Variants in NARS2 observed in about 807,000 individuals in gnomAD.
NARS2 encodes the protein asparaginyl-tRNA synthetase.
Under a neutral mutation model 62.9 loss-of-function variants are expected in NARS2, and 60 were observed. That is an observed-to-expected ratio of 0.95 (90% CI 0.77 to 1.18). The LOEUF is 1.18. Ranked by LOEUF, NARS2 falls within the 50% of genes most tolerant of loss-of-function variation. The pLI, the probability that NARS2 is intolerant of heterozygous loss-of-function variation, is 0.00. For synonymous variants in NARS2, 196 were observed against 200.0 expected, an observed-to-expected ratio of 0.98 and a Z score of 0.17; for missense variants, 619 against 576.4, an observed-to-expected ratio of 1.07 and a Z score of -0.76.
chr11:78,494,468 TC>T (rs1354349860), intron 6 of NARS2, among the ~76,000 whole-genome samples: 1 of 94,630 alleles, frequency 1.1e-5, no homozygotes, highest in African/African-American at 3.3e-5. Context: ...TTTTTCTTTT[TC>T]TTTTTTTTTT....
intron 4 of NARS2, among the ~76,000 whole-genome samples, chr11:78,563,020 G>C (rs1183037049): frequency 6.6e-6 from 1 of 151,890 alleles, no homozygotes; most frequent in Non-Finnish European, 1.5e-5. Context: ...ACTACAGAAA[G>C]GGTTCTTTAA....
At chr11:78,494,615 C>T (rs1258237373) in intron 6 of NARS2, among the ~76,000 whole-genome samples, 3 of 151,922 alleles carry the variant, frequency 2.0e-5, no homozygotes, top group South Asian at 4.1e-4. Flanking sequence ...TTTGGTTCTA[C>T]AGCTACCTTC....
intron 6 of NARS2, among the ~76,000 whole-genome samples, chr11:78,527,392 C>T (rs1250858359): frequency 6.6e-6 from 1 of 152,110 alleles, no homozygotes; most frequent in African/African-American, 2.4e-5. Context: ...CTTGACACGG[C>T]CTTTCCTACA....
intron 4 of NARS2, among the ~76,000 whole-genome samples, chr11:78,563,955 G>A (rs1374810008): frequency 7.1e-6 from 1 of 140,480 alleles, no homozygotes; most frequent in Non-Finnish European, 1.5e-5. Context: ...AGGCTGGAGT[G>A]CAGTGGCGCA....
In NARS2 at chr11:78,436,480, T is replaced by C; in HGVS notation, c.*190A>G. 1 of 665,294 alleles carries C rather than the reference T, an allele frequency of 1.5e-6. No individual in the cohort carries two copies. The highest frequency in any genetic ancestry group is 2.3e-5 in the South Asian group (1 of 44,320). 41.2% of individuals were successfully genotyped at this position (665,294 alleles called of 1,614,324 possible). On this transcript the variant is annotated 3_prime_UTR_variant, in exon 14 of 14. Transcript: ENST00000281038. Reference sequence around the variant, plus strand: ...AAGTACCTCTTCTTGCGGGAGCTCATCCTTACGTGAAATACCCTCAACTTT... The same window carrying C: ...AAGTACCTCTTCTTGCGGGAGCTCACCCTTACGTGAAATACCCTCAACTTT...
intron 11 of NARS2, among the ~76,000 whole-genome samples, chr11:78,460,400 C>G (rs1388898154): frequency 6.6e-6 from 1 of 151,746 alleles, no homozygotes; most frequent in African/African-American, 2.4e-5. Flanking sequence ...AGCAACTGTG[C>G]CCAGCCAGGA....
intron 13 of NARS2, among the ~76,000 whole-genome samples, chr11:78,440,768 G>C (rs951820884): frequency 2.5e-4 from 38 of 150,804 alleles, no homozygotes; most frequent in African/African-American, 7.8e-4. Flanking sequence ...CCTGACCTCA[G>C]GTGATCCACC....
chr11:78,451,086 A>G (rs970352357), intron 11 of NARS2, among the ~76,000 whole-genome samples: 6 of 152,218 alleles, frequency 3.9e-5, no homozygotes, highest in South Asian at 2.1e-4. Context: ...TTTTTCTTTT[A>G]TAACTATATC....
At chr11:78,481,634 A>C (rs980310616) in intron 7 of NARS2, among the ~76,000 whole-genome samples, 1 of 152,196 alleles carries the variant, frequency 6.6e-6, no homozygotes, top group Admixed American at 6.5e-5. Context: ...GTTGAAAAAA[A>C]CCCAGAAACC....
At chr11:78,441,771 C>G (rs1857583565) in intron 12 of NARS2, among the ~76,000 whole-genome samples, 1 of 151,648 alleles carries the variant, frequency 6.6e-6, no homozygotes, top group Admixed American at 6.6e-5. Flanking sequence ...GGGAGGCACA[C>G]ACAGACAAGG....
intron 5 of NARS2, among the ~76,000 whole-genome samples, chr11:78,558,716 T>C (rs1028979296): frequency 3.9e-5 from 6 of 152,192 alleles, no homozygotes; most frequent in Admixed American, 2.0e-4. Flanking sequence ...TGGCATATAC[T>C]AGGAACTCAA....
At chr11:78,525,597 T>TAAA (rs1004193052) in intron 6 of NARS2, among the ~76,000 whole-genome samples, 1 of 152,078 alleles carries the variant, frequency 6.6e-6, no homozygotes, top group African/African-American at 2.4e-5. Context: ...TAAAGAAGGA[T>TAAA]AAAGAGACAA....
At chr11:78,451,190 C>CA (rs1857958572) in intron 11 of NARS2, among the ~76,000 whole-genome samples, 1 of 152,188 alleles carries the variant, frequency 6.6e-6, no homozygotes, top group African/African-American at 2.4e-5. Flanking sequence ...TTTGAATACA[C>CA]AGAGTGTACT....
At chr11:78,437,993 G>GAAA (rs10718645) in intron 13 of NARS2, among the ~76,000 whole-genome samples, 1 of 116,564 alleles carries the variant, frequency 8.6e-6, no homozygotes, top group African/African-American at 3.2e-5. Context: ...AAAAAAGAAA[G>GAAA]AAAAAAAAAA....
At chr11:78,568,013 C>G (rs1308068750) in intron 3 of NARS2, among the ~76,000 whole-genome samples, 2 of 152,200 alleles carry the variant, frequency 1.3e-5, no homozygotes, top group Admixed American at 1.3e-4. Context: ...ATATATGAAG[C>G]TAACAGAAGA....
intron 11 of NARS2, among the ~76,000 whole-genome samples, chr11:78,452,830 G>C (rs1858020337): frequency 6.6e-6 from 1 of 152,074 alleles, no homozygotes; most frequent in African/African-American, 2.4e-5. Flanking sequence ...CCATAAACTT[G>C]AATTTTTAAA....
intron 11 of NARS2, among the ~76,000 whole-genome samples, chr11:78,448,437 C>T (rs1318703237): frequency 1.3e-5 from 2 of 151,660 alleles, no homozygotes; most frequent in African/African-American, 2.4e-5. Flanking sequence ...ATTACAGGCA[C>T]ATGCCACCGT....
chr11:78,469,240 A>T lies in NARS2; in HGVS notation c.1026+7T>A. On this transcript the variant is annotated splice_region_variant and intron_variant, in intron 10 of 13. Coordinates refer to ENST00000281038, the MANE Select transcript of NARS2 (RefSeq NM_024678.6). ...ACACACATATATACATACACACAAA[A>T]TACTACCTCTGGGGTAAAGGTGAAG... The T allele has an allele frequency of 1.3e-6, 2 of 1,593,718 alleles. No homozygotes were observed. Among genetic ancestry groups the T allele is most frequent in the Non-Finnish European group, 1.7e-6 (2 of 1,161,500 alleles).
intron 11 of NARS2, among the ~76,000 whole-genome samples, chr11:78,457,029 G>C (rs999858560): frequency 4.6e-5 from 7 of 152,200 alleles, no homozygotes; most frequent in African/African-American, 1.4e-4. Context: ...CCAATTCTCT[G>C]ATTATACAGA....
Sources: gnomAD v4.1 joint callset for allele counts (sites outside exome capture counted in the v4.1 genomes callset) on GRCh38, gnomAD v4.1.1 for gene constraint, MANE v1.5 for transcripts, NCBI Gene and HGNC (gene_info 2026-07-23, HGNC 2026-07-21) for gene names.